Variants in BACH2 observed in about 807,000 individuals in gnomAD.
BACH2 encodes the protein BACH transcriptional regulator 2.
Under a neutral mutation model 61.8 loss-of-function variants are expected in BACH2, and 5 were observed. The observed-to-expected ratio is 0.08, with a 90% CI of 0.04 to 0.17. The LOEUF (loss-of-function observed/expected upper bound fraction) is 0.17, where lower values mean the gene tolerates loss of function less well. Ranked by LOEUF, BACH2 falls within the 10% of genes least tolerant of loss-of-function variation. BACH2 has a pLI of 1.00. For missense variants in BACH2, 824 were observed against 1,091.1 expected, an observed-to-expected ratio of 0.76 and a Z score of 3.45; for synonymous variants, 446 against 440.1, an observed-to-expected ratio of 1.01 and a Z score of -0.17.
intron 4 of BACH2, among the ~76,000 whole-genome samples, chr6:90,199,317 T>C (rs887032029): frequency 1.4e-4 from 22 of 152,212 alleles, no homozygotes; most frequent in Admixed American, 2.6e-4. Context: ...AGCATTACCA[T>C]AGTTCCATAG....
chr6:90,211,261 G>A (rs1259819605), intron 3 of BACH2, among the ~76,000 whole-genome samples: 1 of 151,904 alleles, frequency 6.6e-6, no homozygotes, highest in African/African-American at 2.4e-5. Context: ...CTCAGAGATA[G>A]GTTTGGTAAC....
intron 6 of BACH2, among the ~76,000 whole-genome samples, chr6:89,973,707 A>G (rs1035052478): frequency 6.6e-6 from 1 of 151,924 alleles, no homozygotes; most frequent in African/African-American, 2.4e-5. Context: ...ACCGGGTTAT[A>G]AAATCTGCCT....
intron 4 of BACH2, among the ~76,000 whole-genome samples, chr6:90,141,382 T>C (rs997798922): frequency 1.3e-4 from 20 of 152,076 alleles, no homozygotes; most frequent in Admixed American, 1.2e-3. Flanking sequence ...GGTTTCACCA[T>C]GTTGACCGGG....
chr6:90,096,751 G>A (rs1418804133), intron 4 of BACH2, among the ~76,000 whole-genome samples: 1 of 152,148 alleles, frequency 6.6e-6, no homozygotes, highest in Non-Finnish European at 1.5e-5. Flanking sequence ...GCATACACCT[G>A]CACTTGGCCC....
intron 5 of BACH2, among the ~76,000 whole-genome samples, chr6:90,052,605 G>C (rs993469297): frequency 6.6e-6 from 1 of 152,118 alleles, no homozygotes; most frequent in African/African-American, 2.4e-5. Context: ...ATTTTTAGTA[G>C]AGACAGGGTT....
At chr6:90,250,198 A>G (rs1353641526) in intron 3 of BACH2, among the ~76,000 whole-genome samples, 1 of 152,238 alleles carries the variant, frequency 6.6e-6, no homozygotes, top group Non-Finnish European at 1.5e-5. Flanking sequence ...GAAAGCAAAA[A>G]GGCTTGAATT....
At chr6:90,118,582 T>A (rs1001212649) in intron 4 of BACH2, among the ~76,000 whole-genome samples, 1 of 152,222 alleles carries the variant, frequency 6.6e-6, no homozygotes, top group African/African-American at 2.4e-5. Flanking sequence ...TCAGTACTCA[T>A]GAGCTAGAAT....
intron 4 of BACH2, among the ~76,000 whole-genome samples, chr6:90,158,102 C>T (rs1415839865): frequency 6.6e-6 from 1 of 151,766 alleles, no homozygotes; most frequent in Non-Finnish European, 1.5e-5. Flanking sequence ...CAAGCAGTGG[C>T]CAAGTAGAAG....
intron 4 of BACH2, among the ~76,000 whole-genome samples, chr6:90,201,801 A>G (rs2127847917): frequency 6.6e-6 from 1 of 152,308 alleles, no homozygotes; most frequent in African/African-American, 2.4e-5. Context: ...ATAGCTCTTC[A>G]AAGTCTGCCA....
rs113303993 is a variant in BACH2, at chr6:90,193,163, C to G, written c.-162+13406G>C. On this transcript the variant is annotated intron_variant, in intron 4 of 8. Transcript: ENST00000257749. The stretch of plus-strand genomic sequence containing the variant: ...TTAAGAAGTGAGGTGCAGACAATTG[C>G]AAGATGGTGTTACAGGATGAATTAT... 4.4e-3 allele frequency among the ~76,000 whole-genome samples: 675 copies of G among 152,300 alleles called. 1 individual carries two copies. The highest frequency in any genetic ancestry group is 7.5e-3 in the Non-Finnish European group (511 of 68,032).
At chr6:90,045,084 T>C (rs11966127) in intron 5 of BACH2, among the ~76,000 whole-genome samples, 8,405 of 152,276 alleles carry the variant, frequency 0.055, 746 homozygotes, top group African/African-American at 0.19. Context: ...GGAAGGAAAC[T>C]GTTATCAGGT....
At chr6:90,063,118 AT>A (rs1397152532) in intron 5 of BACH2, among the ~76,000 whole-genome samples, 2 of 152,206 alleles carry the variant, frequency 1.3e-5, no homozygotes. Flanking sequence ...GAATATACCA[AT>A]AAAATGTTTT....
At chr6:89,966,185 C>G (rs937642989) in intron 6 of BACH2, among the ~76,000 whole-genome samples, 8 of 152,178 alleles carry the variant, frequency 5.3e-5, no homozygotes. Flanking sequence ...TCTCTTTCAT[C>G]TAAGTCCTTT....
At position 90,008,051 on chromosome 6, in the gene BACH2, C is replaced by CA. The variant is rs1426990202; in HGVS notation, c.243+550dup. The CA allele has an allele frequency of 1.2e-5, 2 of 162,664 alleles. No homozygotes were observed. The highest frequency in any genetic ancestry group is 4.8e-5 in the African/African-American group (2 of 41,496). 10.1% of individuals were successfully genotyped at this position (162,664 alleles called of 1,614,324 possible). A position where few individuals can be genotyped will look rare whatever the true frequency, so the allele number is the denominator to read the frequency against. ...CCAGCTACTAGTGTTCCCAAAGTGC[C>CA]AAAATAACCGTATTCACTGATGTGA... On this transcript the variant is annotated intron_variant, in intron 6 of 8. Coordinates refer to ENST00000257749, the MANE Select transcript of BACH2 (RefSeq NM_021813.4). This position sits in a 1 kb window ranked among gnomAD's most constrained non-coding sequence, Gnocchi z 4.1.
intron 6 of BACH2, among the ~76,000 whole-genome samples, chr6:89,956,294 G>A (rs575071863): frequency 6.6e-6 from 1 of 152,138 alleles, no homozygotes; most frequent in Non-Finnish European, 1.5e-5. Context: ...GTGCCATGTG[G>A]GGGCGAGACC....
At chr6:90,169,452 A>G (rs565638531) in intron 4 of BACH2, among the ~76,000 whole-genome samples, 50 of 152,172 alleles carry the variant, frequency 3.3e-4, no homozygotes, top group Non-Finnish European at 1.6e-4. Context: ...CACAGGTTGG[A>G]TCAATGAAGT....
chr6:90,163,263 G>C (rs896879917), intron 4 of BACH2, among the ~76,000 whole-genome samples: 1 of 152,174 alleles, frequency 6.6e-6, no homozygotes, highest in Non-Finnish European at 1.5e-5. Context: ...TTGATAAACA[G>C]ACCACAGTGG....
At chr6:90,038,809 T>C (rs1779387812) in intron 5 of BACH2, among the ~76,000 whole-genome samples, 1 of 151,844 alleles carries the variant, frequency 6.6e-6, no homozygotes, top group South Asian at 2.1e-4. Flanking sequence ...GAGGCTGAGG[T>C]GGGTGGATCA....
At chr6:90,284,813 G>A (rs1771968009) in intron 1 of BACH2, among the ~76,000 whole-genome samples, 1 of 152,058 alleles carries the variant, frequency 6.6e-6, no homozygotes, top group Admixed American at 6.6e-5. Context: ...TGAAGGTCTT[G>A]CACTGTGTTA....
Sources: allele counts gnomAD v4.1 joint callset (sites outside exome capture counted in the v4.1 genomes callset), GRCh38; gene constraint gnomAD v4.1.1; non-coding constraint Gnocchi (gnomAD v3.1); transcripts MANE v1.5; gene names NCBI Gene and HGNC (gene_info 2026-07-23, HGNC 2026-07-21).